SYNDIG1: variants seen among roughly 807,000 people sequenced by gnomAD.
SYNDIG1 encodes the protein synapse differentiation inducing 1.
SYNDIG1 carries 9 observed loss-of-function variants against 19.4 expected under a neutral mutation model. The ratio of observed to expected loss-of-function variants is 0.46; its 90% CI spans 0.28 to 0.81. SYNDIG1 has a LOEUF of 0.81. Ranked by LOEUF, SYNDIG1 falls within the 30% of genes least tolerant of loss-of-function variation. The pLI, the probability that SYNDIG1 is intolerant of heterozygous loss-of-function variation, is 0.12. For missense variants in SYNDIG1, 311 were observed against 343.3 expected (o/e 0.91, Z 0.74); for synonymous variants, 141 against 145.9 (o/e 0.97, Z 0.24).
rs527497774 is a variant in SYNDIG1 at position 24,486,944 on chromosome 20, G to A, written c.-79+17191G>A. Among the ~76,000 whole-genome samples, 10 of 152,204 alleles carry A rather than the reference G, an allele frequency of 6.6e-5. 1 individual carries two copies. In the South Asian group the frequency reaches 1.9e-3, roughly 28 times the overall value. Reference sequence around the variant, plus strand: ...AGTTCTGGGATTACAGGTGTGAGCCGCCGTGCGCAGCCGAGAGTGTGCATT... The same window carrying A: ...AGTTCTGGGATTACAGGTGTGAGCCACCGTGCGCAGCCGAGAGTGTGCATT... On this transcript the variant is annotated intron_variant, in intron 1 of 3. Transcript: ENST00000376862.
chr20:24,507,258 G>A (rs2056615989), intron 1 of SYNDIG1, among the ~76,000 whole-genome samples: 1 of 152,230 alleles, frequency 6.6e-6, no homozygotes, highest in African/African-American at 2.4e-5. Context: ...GCCCACAGGA[G>A]CGTGCTGCCT....
intron 3 of SYNDIG1, among the ~76,000 whole-genome samples, chr20:24,608,664 AG>A (rs1328572302): frequency 6.6e-6 from 1 of 152,212 alleles, no homozygotes; most frequent in African/African-American, 2.4e-5. Context: ...AATAATTAAA[AG>A]GTGACTGAAA....
chr20:24,590,268 TGGGGCCGGCGCGGC>T (rs1301169868), intron 3 of SYNDIG1, among the ~76,000 whole-genome samples: 1 of 94,150 alleles, frequency 1.1e-5, no homozygotes, highest in East Asian at 2.7e-4. Context: ...GTGGGGCAGG[TGGGGCCGGCGCGGC>T]GGGGCTGGGG....
intron 3 of SYNDIG1, among the ~76,000 whole-genome samples, chr20:24,663,178 C>T (rs139015471): frequency 6.6e-5 from 10 of 152,232 alleles, no homozygotes; most frequent in South Asian, 6.2e-4. Flanking sequence ...ACGCAGATGC[C>T]GAGTGACGTT....
chr20:24,492,034 C>T (rs904325410), intron 1 of SYNDIG1, among the ~76,000 whole-genome samples: 34 of 152,350 alleles, frequency 2.2e-4, no homozygotes, highest in African/African-American at 8.2e-4. Flanking sequence ...GCCAGGCACA[C>T]GCCTGCTGAG....
intron 2 of SYNDIG1, among the ~76,000 whole-genome samples, chr20:24,560,057 C>T: frequency 1.8e-5 from 2 of 110,894 alleles, no homozygotes; most frequent in African/African-American, 7.6e-5. Context: ...ACATTTCTCT[C>T]CTCTCCTTTT....
chr20:24,606,269 A>G (rs1479314852), intron 3 of SYNDIG1, among the ~76,000 whole-genome samples: 1 of 152,236 alleles, frequency 6.6e-6, no homozygotes, highest in Non-Finnish European at 1.5e-5. Flanking sequence ...CTGTCAGGGG[A>G]TGTGGCTATG....
chr20:24,548,489 T>C (rs1005801307), intron 2 of SYNDIG1, among the ~76,000 whole-genome samples: 1 of 152,126 alleles, frequency 6.6e-6, no homozygotes, highest in Non-Finnish European at 1.5e-5. Context: ...CAGTCATAAG[T>C]ATGGAAAGAG....
rs984735603 is a variant in SYNDIG1 at position 24,584,885 on chromosome 20, G to C, written c.510G>C (p.Glu170Asp). Residue 170 changes from glutamate to aspartate, a missense_variant, in exon 3 of 4, where the codon GAG becomes GAC. Coordinates refer to ENST00000376862, the MANE Select transcript of SYNDIG1 (RefSeq NM_024893.3). Reference sequence around the variant, plus strand: ...ACTACTCAAGCGACACAGAGAGTGAGGACAATTTCCTCATGATGCCCCCGC... The same window carrying C: ...ACTACTCAAGCGACACAGAGAGTGACGACAATTTCCTCATGATGCCCCCGC... ...ESDYSSDTESEDNFLMMPPRD... is the reference protein window; with the variant it reads ...ESDYSSDTESDDNFLMMPPRD... The C allele has an allele frequency of 1.9e-6, 3 of 1,614,026 alleles. No homozygotes were observed. The African/African-American group carries it at 4.0e-5, about 22-fold the overall frequency.
At chr20:24,574,199 G>C (rs569281630) in intron 2 of SYNDIG1, among the ~76,000 whole-genome samples, 1 of 151,938 alleles carries the variant, frequency 6.6e-6, no homozygotes, top group Non-Finnish European at 1.5e-5. Context: ...TTTGTTAGGC[G>C]GGGCACGGTG....
chr20:24,527,481 T>C (rs1407815071), intron 1 of SYNDIG1, among the ~76,000 whole-genome samples: 2 of 151,906 alleles, frequency 1.3e-5, no homozygotes, highest in Non-Finnish European at 2.9e-5. Flanking sequence ...TCCTTGATGG[T>C]CCAGAGTTGT....
At chr20:24,649,927 T>G (rs1268719905) in intron 3 of SYNDIG1, among the ~76,000 whole-genome samples, 1 of 152,214 alleles carries the variant, frequency 6.6e-6, no homozygotes, top group Non-Finnish European at 1.5e-5. Context: ...CAAATAAAAC[T>G]AATTCAAATG....
At chr20:24,607,144 G>T (rs1286919524) in intron 3 of SYNDIG1, among the ~76,000 whole-genome samples, 1 of 152,108 alleles carries the variant, frequency 6.6e-6, no homozygotes, top group Non-Finnish European at 1.5e-5. Flanking sequence ...TGGATCACCT[G>T]AGGTCAGGAG....
intron 1 of SYNDIG1, among the ~76,000 whole-genome samples, chr20:24,534,994 A>G (rs563822924): frequency 2.0e-4 from 30 of 152,082 alleles, no homozygotes; most frequent in Non-Finnish European, 3.2e-4. Context: ...CAACCACTGG[A>G]TGGTTTTCAC....
chr20:24,623,160 C>A, intron 3 of SYNDIG1, among the ~76,000 whole-genome samples: 2 of 139,232 alleles, frequency 1.4e-5, no homozygotes, highest in Non-Finnish European at 1.5e-5. Context: ...GCTTGGGTGA[C>A]AGAGCAAGAC....
At chr20:24,624,585 GTAGT>G (rs2059092664) in intron 3 of SYNDIG1, among the ~76,000 whole-genome samples, 1 of 152,098 alleles carries the variant, frequency 6.6e-6, no homozygotes, top group African/African-American at 2.4e-5. Context: ...AGATACAATG[GTAGT>G]TAGAGATTTT....
intron 2 of SYNDIG1, among the ~76,000 whole-genome samples, chr20:24,554,023 A>G (rs957507917): frequency 2.0e-5 from 3 of 152,200 alleles, no homozygotes; most frequent in Non-Finnish European, 4.4e-5. Context: ...GAGGTCCTTC[A>G]CATGCCTTGT....
intron 2 of SYNDIG1, among the ~76,000 whole-genome samples, chr20:24,571,055 A>G (rs1307045762): frequency 6.6e-6 from 1 of 152,204 alleles, no homozygotes; most frequent in African/African-American, 2.4e-5. Flanking sequence ...TTCCATTCCT[A>G]TGCCTGCTCG....
At chr20:24,547,044 G>A (rs967740076) in intron 2 of SYNDIG1, among the ~76,000 whole-genome samples, 6 of 151,534 alleles carry the variant, frequency 4.0e-5, no homozygotes, top group Admixed American at 1.3e-4. Flanking sequence ...TGTTCAGAGG[G>A]GGCCACCTCA....
Sources: allele counts gnomAD v4.1 joint callset (sites outside exome capture counted in the v4.1 genomes callset), GRCh38; gene constraint gnomAD v4.1.1; transcripts MANE v1.5; gene names NCBI Gene and HGNC (gene_info 2026-07-23, HGNC 2026-07-21).